Variants in DPP6 observed in about 807,000 individuals in gnomAD.
DPP6 encodes A-type potassium channel modulatory protein DPP6.
Under a neutral mutation model 122.6 loss-of-function variants are expected in DPP6, and 69 were observed. That is an observed-to-expected ratio of 0.56 (90% confidence interval 0.46 to 0.69). The LOEUF (loss-of-function observed/expected upper bound fraction) is 0.69, where lower values mean the gene tolerates loss of function less well. DPP6 is among the 30% of genes least tolerant of loss of function. The pLI is 0.00. For synonymous variants in DPP6, 418 were observed against 433.1 expected (o/e 0.97, Z 0.43); for missense variants, 928 against 1,116.9 (o/e 0.83, Z 2.41).
intron 1 of DPP6, among the ~76,000 whole-genome samples, chr7:154,273,826 A>G (rs1803955055): frequency 6.6e-6 from 1 of 152,280 alleles, no homozygotes; most frequent in African/African-American, 2.4e-5. Flanking sequence ...ACCAACAATT[A>G]GGAGAAAAAT....
chr7:154,102,854 CA>C (rs1412709728), intron 1 of DPP6, among the ~76,000 whole-genome samples: 1 of 152,182 alleles, frequency 6.6e-6, no homozygotes, highest in Non-Finnish European at 1.5e-5. Context: ...TCTCTAAAAT[CA>C]GGCCACTTTA....
chr7:153,995,827 T>G (rs1401130615), intron 1 of DPP6, among the ~76,000 whole-genome samples: 1 of 152,140 alleles, frequency 6.6e-6, no homozygotes, highest in Non-Finnish European at 1.5e-5. Context: ...CTACCTACCT[T>G]CAAGACCTGG....
intron 7 of DPP6, among the ~76,000 whole-genome samples, chr7:154,725,393 G>A (rs1042962870): frequency 6.6e-6 from 1 of 152,188 alleles, no homozygotes; most frequent in Non-Finnish European, 1.5e-5. Flanking sequence ...CAGGAAGCAT[G>A]GCTGGAGAGG....
intron 1 of DPP6, among the ~76,000 whole-genome samples, chr7:154,388,027 G>A (rs978784889): frequency 6.6e-6 from 1 of 152,070 alleles, no homozygotes; most frequent in Admixed American, 6.6e-5. Flanking sequence ...ATTGTGCTGA[G>A]TGCAAAGGCT....
chr7:154,363,068 T>C (rs2151101615), intron 1 of DPP6, among the ~76,000 whole-genome samples: 2 of 152,248 alleles, frequency 1.3e-5, no homozygotes, highest in South Asian at 4.2e-4. Context: ...CTCCACCCAT[T>C]GTTCTTGGTG....
intron 1 of DPP6, among the ~76,000 whole-genome samples, chr7:154,025,838 AC>A (rs1417062080): frequency 2.7e-5 from 4 of 145,486 alleles, no homozygotes; most frequent in African/African-American, 7.6e-5. Flanking sequence ...AAGCCTTTGA[AC>A]CCCCTTTGAC....
At chr7:154,406,631 T>C (rs145947532) in intron 1 of DPP6, among the ~76,000 whole-genome samples, 62 of 152,320 alleles carry the variant, frequency 4.1e-4, no homozygotes, top group African/African-American at 1.4e-3. Context: ...CAATGAATCA[T>C]GAGTAGACCT....
chr7:154,172,148 C>CCCCCTGCCTG (rs1563275432), intron 1 of DPP6, among the ~76,000 whole-genome samples: 1 of 150,612 alleles, frequency 6.6e-6, no homozygotes, highest in East Asian at 2.0e-4. Flanking sequence ...CTTCCTTCTT[C>CCCCCTGCCTG]CCTGCCTGCC....
At chr7:154,363,957 G>A (rs1431579728) in intron 1 of DPP6, among the ~76,000 whole-genome samples, 1 of 152,116 alleles carries the variant, frequency 6.6e-6, no homozygotes, top group Non-Finnish European at 1.5e-5. Flanking sequence ...AAACAAAACA[G>A]CAATCCTGCT....
intron 1 of DPP6, among the ~76,000 whole-genome samples, chr7:154,157,357 C>T (rs1396633974): frequency 6.6e-6 from 1 of 152,250 alleles, no homozygotes; most frequent in Non-Finnish European, 1.5e-5. Flanking sequence ...GCTTCTGTCT[C>T]TTAGCCTGGC....
At chr7:154,830,673 G>A (rs1394900469) in intron 16 of DPP6, among the ~76,000 whole-genome samples, 5 of 152,160 alleles carry the variant, frequency 3.3e-5, no homozygotes, top group Admixed American at 6.5e-5. Flanking sequence ...GGGTTGTCCC[G>A]GCCTTAATCG....
At chr7:153,867,551 C>T in the DPP6 span, among the ~76,000 whole-genome samples, 1 of 134,826 alleles carries the variant, frequency 7.4e-6, no homozygotes, top group African/African-American at 2.8e-5. Context: ...AGATTTTGGG[C>T]TGAGACAATG....
At chr7:154,883,259 C>T (rs1029625245) in intron 21 of DPP6, among the ~76,000 whole-genome samples, 1 of 145,500 alleles carries the variant, frequency 6.9e-6, no homozygotes, top group Non-Finnish European at 1.5e-5. Flanking sequence ...CTCACCCATA[C>T]ACCTGCTCTC....
chr7:154,447,994 G>A (rs893856903), intron 2 of DPP6, among the ~76,000 whole-genome samples: 5 of 152,152 alleles, frequency 3.3e-5, no homozygotes, highest in East Asian at 3.9e-4. Context: ...AAATCAGTCC[G>A]CCTAAGACCA....
At chr7:154,073,995 ATATC>A (rs1458791781) in intron 1 of DPP6, among the ~76,000 whole-genome samples, 99 of 148,906 alleles carry the variant, frequency 6.6e-4, no homozygotes, top group Non-Finnish European at 8.3e-4. Flanking sequence ...TCTAAAATAT[ATATC>A]TATGTATGTA....
rs148792705 is a variant in DPP6 at position 154,791,738 on chromosome 7, G to A, written c.1137-2341G>A. On this transcript the variant is annotated intron_variant, in intron 10 of 25. Coordinates refer to ENST00000377770, the MANE Select transcript of DPP6 (RefSeq NM_130797.4). ...TTGTCCCTGTGTGTCCACGTTTTGT[G>A]GCCAAGAGCTTTAAGCAGGAACAGT... Among the ~76,000 whole-genome samples the A allele has an allele frequency of 1.5e-3, 227 of 152,262 alleles. 1 individual carries two copies. The highest frequency in any genetic ancestry group is 5.1e-3 in the African/African-American group (213 of 41,534).
intron 7 of DPP6, among the ~76,000 whole-genome samples, chr7:154,687,540 G>A (rs1053098885): frequency 1.5e-4 from 22 of 151,692 alleles, no homozygotes; most frequent in African/African-American, 3.4e-4. Context: ...TTTTTCCTTC[G>A]GGTTGTTTGC....
chr7:154,725,549 G>A (rs561885567), intron 7 of DPP6, among the ~76,000 whole-genome samples: 1 of 152,186 alleles, frequency 6.6e-6, no homozygotes, highest in African/African-American at 2.4e-5. Context: ...AGAGCAAGGG[G>A]AAAATCCACC....
At chr7:153,843,971 T>A in the DPP6 span, among the ~76,000 whole-genome samples, 1 of 150,368 alleles carries the variant, frequency 6.7e-6, no homozygotes, top group Admixed American at 6.6e-5. Flanking sequence ...ATCTTATCCA[T>A]ATGGACAGGT....
Sources: gnomAD v4.1 joint callset for allele counts (sites outside exome capture counted in the v4.1 genomes callset) on GRCh38, gnomAD v4.1.1 for gene constraint, MANE v1.5 for transcripts, NCBI Gene and HGNC (gene_info 2026-07-23, HGNC 2026-07-21) for gene names.